Variants in ZNF804A observed in about 807,000 individuals in gnomAD.
The protein encoded by ZNF804A is zinc finger protein 804A.
ZNF804A carries 2 observed loss-of-function variants against 16.5 expected under a neutral mutation model. The observed-to-expected ratio is 0.12, with a 90% confidence interval of 0.05 to 0.38. ZNF804A has a LOEUF of 0.38. Ranked by LOEUF, ZNF804A falls within the 10% of genes least tolerant of loss-of-function variation. The probability of loss-of-function intolerance (pLI) is 0.99; values close to 1 mark genes in which losing one functional copy is unlikely to be tolerated. For missense variants in ZNF804A, 1,473 were observed against 1,390.7 expected, an observed-to-expected ratio of 1.06 and a Z score of -0.94; for synonymous variants, 534 against 489.6, an observed-to-expected ratio of 1.09 and a Z score of -1.20.
intron 2 of ZNF804A, among the ~76,000 whole-genome samples, chr2:184,887,283 A>G (rs1475769583): frequency 1.3e-5 from 2 of 152,226 alleles, no homozygotes; most frequent in African/African-American, 4.8e-5. Context: ...AGATTACCTC[A>G]GGCTAGACCT....
chr2:184,933,757 G>A, intron 3 of ZNF804A, 24 bp downstream of exon 3: 1 of 1,585,686 alleles, frequency 6.3e-7, no homozygotes, highest in South Asian at 1.2e-5. Context: ...GAAATTGTAA[G>A]TTTTCTTAAA....
intron 2 of ZNF804A, among the ~76,000 whole-genome samples, chr2:184,886,149 A>C (rs1245369996): frequency 1.3e-5 from 2 of 152,218 alleles, no homozygotes; most frequent in African/African-American, 4.8e-5. Flanking sequence ...CAGCCATTCC[A>C]AATGGGAGAA....
intron 1 of ZNF804A, among the ~76,000 whole-genome samples, chr2:184,662,591 A>G (rs1477842299): frequency 6.6e-6 from 1 of 152,194 alleles, no homozygotes; most frequent in East Asian, 1.9e-4. Context: ...AAAATATTAG[A>G]AATTTCTACC....
chr2:184,864,575 T>C (rs1425005410), intron 1 of ZNF804A, among the ~76,000 whole-genome samples: 2 of 152,214 alleles, frequency 1.3e-5, no homozygotes, highest in African/African-American at 4.8e-5. Flanking sequence ...CATTGATTAC[T>C]ATAAACTATG....
intron 1 of ZNF804A, among the ~76,000 whole-genome samples, chr2:184,615,496 A>G (rs1691304851): frequency 6.6e-6 from 1 of 152,206 alleles, no homozygotes; most frequent in Non-Finnish European, 1.5e-5. Flanking sequence ...TTGGATGATA[A>G]CTTATATGGT....
intron 1 of ZNF804A, among the ~76,000 whole-genome samples, chr2:184,733,174 T>C (rs1693548140): frequency 6.6e-6 from 1 of 152,146 alleles, no homozygotes; most frequent in Admixed American, 6.5e-5. Flanking sequence ...ATTGTGGATA[T>C]TCTTTGTCAA....
intron 1 of ZNF804A, among the ~76,000 whole-genome samples, chr2:184,617,161 A>G (rs1215152456): frequency 6.6e-6 from 1 of 152,160 alleles, no homozygotes; most frequent in Non-Finnish European, 1.5e-5. Context: ...TTAAAATTTA[A>G]TAGAATCTAA....
At chr2:184,777,515 C>T (rs1286554066) in intron 1 of ZNF804A, among the ~76,000 whole-genome samples, 2 of 151,296 alleles carry the variant, frequency 1.3e-5, no homozygotes, top group Non-Finnish European at 3.0e-5. Flanking sequence ...CTATCTTTAC[C>T]TCATACCAAT....
chr2:184,865,468 T>C (rs1003386315), intron 1 of ZNF804A, among the ~76,000 whole-genome samples: 1 of 152,004 alleles, frequency 6.6e-6, no homozygotes, highest in African/African-American at 2.4e-5. Flanking sequence ...AGAGATCACA[T>C]GTGGCGAGAG....
At chr2:184,685,537 G>C (rs975956416) in intron 1 of ZNF804A, among the ~76,000 whole-genome samples, 3 of 152,120 alleles carry the variant, frequency 2.0e-5, no homozygotes, top group African/African-American at 7.2e-5. Context: ...GCATGAGCAA[G>C]GCAGAGAGGA....
intron 1 of ZNF804A, among the ~76,000 whole-genome samples, chr2:184,838,414 A>T (rs186408005): frequency 1.9e-4 from 29 of 152,196 alleles, no homozygotes; most frequent in African/African-American, 6.7e-4. Flanking sequence ...TTGTTATGAG[A>T]AGTGAGATCC....
chr2:184,853,780 G>C (rs1425894392), intron 1 of ZNF804A, among the ~76,000 whole-genome samples: 5 of 150,936 alleles, frequency 3.3e-5, no homozygotes, highest in African/African-American at 1.2e-4. Context: ...TTAATGTGCT[G>C]TTGAATTTTG....
In ZNF804A at chr2:184,883,587, A is replaced by G. The variant is rs143551312; in HGVS notation, c.255+17075A>G. Among the ~76,000 whole-genome samples, 1,380 of 152,224 alleles carry G rather than the reference A, an allele frequency of 9.1e-3. 23 individuals carry two copies. The highest frequency in any genetic ancestry group is 0.032 in the African/African-American group (1,320 of 41,538). On this transcript the variant is annotated intron_variant, in intron 2 of 3. Coordinates refer to ENST00000302277, the MANE Select transcript of ZNF804A (RefSeq NM_194250.2). ...GAGCTCCAAACCCAACAGCACATCAAAAAGCTAATCCACCACAATCAATTA... is the reference window on the plus strand; with the variant it reads ...GAGCTCCAAACCCAACAGCACATCAGAAAGCTAATCCACCACAATCAATTA...
intron 1 of ZNF804A, among the ~76,000 whole-genome samples, chr2:184,618,405 C>T (rs757094062): frequency 5.9e-5 from 9 of 151,844 alleles, no homozygotes; most frequent in Non-Finnish European, 1.3e-4. Context: ...TATATACGCA[C>T]GAAGTAGCAT....
chr2:184,747,530 GTTC>G (rs1468865665), intron 1 of ZNF804A, among the ~76,000 whole-genome samples: 2 of 150,808 alleles, frequency 1.3e-5, no homozygotes, highest in Non-Finnish European at 3.0e-5. Context: ...CATAAATAAT[GTTC>G]TTCTACTTAA....
chr2:184,805,317 T>C (rs1053271350), intron 1 of ZNF804A, among the ~76,000 whole-genome samples: 1 of 152,168 alleles, frequency 6.6e-6, no homozygotes. Context: ...ATATTTCTAA[T>C]AGTTGAACAG....
At chr2:184,716,257 T>G (rs1372410513) in intron 1 of ZNF804A, among the ~76,000 whole-genome samples, 1 of 152,156 alleles carries the variant, frequency 6.6e-6, no homozygotes, top group Non-Finnish European at 1.5e-5. Context: ...TAGTACTTTC[T>G]TCATGTATTT....
At chr2:184,830,412 G>GT (rs993020831) in intron 1 of ZNF804A, among the ~76,000 whole-genome samples, 1 of 152,012 alleles carries the variant, frequency 6.6e-6, no homozygotes, top group Non-Finnish European at 1.5e-5. Flanking sequence ...CAAGTCTCAG[G>GT]TTTAATAATA....
chr2:184,838,378 C>T (rs1239359474), intron 1 of ZNF804A, among the ~76,000 whole-genome samples: 1 of 151,866 alleles, frequency 6.6e-6, no homozygotes, highest in Non-Finnish European at 1.5e-5. Flanking sequence ...AAAATGACAA[C>T]AATAATAGGA....
Sources: allele counts gnomAD v4.1 joint callset (sites outside exome capture counted in the v4.1 genomes callset), GRCh38; gene constraint gnomAD v4.1.1; transcripts MANE v1.5; gene names NCBI Gene and HGNC (gene_info 2026-07-23, HGNC 2026-07-21).